Variants in MED27 observed in about 807,000 individuals in gnomAD.
MED27 encodes mediator complex subunit 27, also known as mediator of RNA polymerase II transcription subunit 27.
MED27 carries 30 observed loss-of-function variants against 38.2 expected under a neutral mutation model. That is an observed-to-expected ratio of 0.79 (90% CI 0.59 to 1.07). MED27 has a LOEUF of 1.07. MED27 is among the 50% of genes least tolerant of loss of function. MED27 has a pLI of 0.00. For missense variants in MED27, 289 were observed against 397.5 expected, an observed-to-expected ratio of 0.73 and a Z score of 2.32; for synonymous variants, 122 against 153.5, an observed-to-expected ratio of 0.79 and a Z score of 1.52.
chr9:131,891,346 C>T (rs1839226198), intron 5 of MED27, among the ~76,000 whole-genome samples: 1 of 152,226 alleles, frequency 6.6e-6, no homozygotes. Context: ...CGCCATGAGG[C>T]ATTTAGACGC....
intron 2 of MED27, among the ~76,000 whole-genome samples, chr9:132,025,092 T>A (rs932900400): frequency 1.3e-5 from 2 of 152,202 alleles, no homozygotes; most frequent in African/African-American, 4.8e-5. Context: ...ACTACGGCTT[T>A]TCCCCTTGGA....
intron 3 of MED27, among the ~76,000 whole-genome samples, chr9:131,995,587 G>C (rs1328745861): frequency 6.6e-6 from 1 of 152,168 alleles, no homozygotes; most frequent in East Asian, 1.9e-4. Context: ...CTGACTCACA[G>C]GGCCTGAGTC....
At chr9:131,981,100 A>G (rs1831726477) in intron 3 of MED27, among the ~76,000 whole-genome samples, 1 of 152,242 alleles carries the variant, frequency 6.6e-6, no homozygotes, top group Non-Finnish European at 1.5e-5. Context: ...TAATTGCAAC[A>G]AAGAACACCA....
At chr9:131,978,032 C>A (rs1046356859) in intron 3 of MED27, among the ~76,000 whole-genome samples, 1 of 152,228 alleles carries the variant, frequency 6.6e-6, no homozygotes, top group Non-Finnish European at 1.5e-5. Flanking sequence ...GACAACCAGA[C>A]ATTTTGTGCC....
At chr9:131,871,121 A>G (rs988991917) in intron 6 of MED27, among the ~76,000 whole-genome samples, 5 of 152,198 alleles carry the variant, frequency 3.3e-5, no homozygotes, top group African/African-American at 1.2e-4. Context: ...TGTGCATCCT[A>G]CTGTGAGCCC....
At chr9:132,056,513 A>T (rs1833580982) in intron 2 of MED27, among the ~76,000 whole-genome samples, 1 of 152,230 alleles carries the variant, frequency 6.6e-6, no homozygotes, top group South Asian at 2.1e-4. Context: ...TGCCAACATG[A>T]TATTCAAAGA....
At chr9:132,053,209 C>T (rs887995350) in intron 2 of MED27, among the ~76,000 whole-genome samples, 5 of 150,872 alleles carry the variant, frequency 3.3e-5, no homozygotes, top group Non-Finnish European at 5.9e-5. Flanking sequence ...GCCGAGATCG[C>T]GCCACTGCGC....
Position 132,003,092 on chromosome 9 carries a change from TAA to T in MED27, c.479+11243_479+11244del, listed in dbSNP as rs113279679. On this transcript the variant is annotated intron_variant, in intron 3 of 7. Coordinates refer to ENST00000292035, the MANE Select transcript of MED27 (RefSeq NM_004269.4). This position sits in a 1 kb window ranked among gnomAD's most constrained non-coding sequence, Gnocchi z 4.2. ...GCTCTTTGTTATGCAAAGAGAGATTTAAAAAAAAAAATGGATCCAGCTTCTAT... is the reference window on the plus strand; with the variant it reads ...GCTCTTTGTTATGCAAAGAGAGATTTAAAAAAAAATGGATCCAGCTTCTAT... Among the ~76,000 whole-genome samples, 8 of 148,042 alleles carry T rather than the reference TAA, an allele frequency of 5.4e-5. No homozygotes were observed. Among genetic ancestry groups the T allele is most frequent in the Non-Finnish European group, 9.0e-5 (6 of 66,512 alleles).
intron 3 of MED27, among the ~76,000 whole-genome samples, chr9:131,977,966 A>G (rs1831644063): frequency 6.6e-6 from 1 of 152,184 alleles, no homozygotes; most frequent in African/African-American, 2.4e-5. Context: ...ACCTCCCTGC[A>G]CCCTGAGGAA....
intron 2 of MED27, among the ~76,000 whole-genome samples, chr9:132,066,554 T>G (rs1469547765): frequency 1.3e-5 from 2 of 151,998 alleles, no homozygotes; most frequent in Non-Finnish European, 2.9e-5. Context: ...CCTGGAGAAG[T>G]CAGCAAGGAA....
rs12346178 is a variant in MED27 at position 131,958,971 on chromosome 9, T to C, written c.480-19497A>G. ...TTGCCTGTCTGGACTATTAAGAGTT[T>C]CACATGTGTTTGAATAGAGAAAACA... On this transcript the variant is annotated intron_variant, in intron 3 of 7. Coordinates refer to ENST00000292035, the MANE Select transcript of MED27 (RefSeq NM_004269.4). Among the ~76,000 whole-genome samples, 611 of 152,374 alleles carry C rather than the reference T, an allele frequency of 4.0e-3. 3 individuals carry two copies. Among genetic ancestry groups the C allele is most frequent in the African/African-American group, 0.014 (587 of 41,584 alleles).
At chr9:131,891,684 A>C (rs1330865113) in intron 5 of MED27, among the ~76,000 whole-genome samples, 1 of 151,966 alleles carries the variant, frequency 6.6e-6, no homozygotes, top group Admixed American at 6.6e-5. Context: ...GGCAAGGGGG[A>C]GATGGCAAAA....
chr9:131,870,966 C>T (rs1048530043), intron 6 of MED27, among the ~76,000 whole-genome samples: 8 of 152,172 alleles, frequency 5.3e-5, no homozygotes, highest in Admixed American at 1.3e-4. Flanking sequence ...AAATACAAGG[C>T]GGCTGCATCA....
chr9:132,035,028 AG>A (rs1833044829), intron 2 of MED27, among the ~76,000 whole-genome samples: 2 of 152,212 alleles, frequency 1.3e-5, no homozygotes, highest in African/African-American at 2.4e-5. Context: ...CAAGACTCCC[AG>A]GCTACGTAAC....
chr9:132,058,681 C>G (rs745413480), intron 2 of MED27, among the ~76,000 whole-genome samples: 6 of 152,188 alleles, frequency 3.9e-5, no homozygotes, highest in Non-Finnish European at 7.3e-5. Flanking sequence ...AGCGTGAGAA[C>G]AGACTCCTAT....
At chr9:131,906,254 G>C (rs1830059284) in intron 4 of MED27, among the ~76,000 whole-genome samples, 2 of 152,312 alleles carry the variant, frequency 1.3e-5, no homozygotes, top group African/African-American at 4.8e-5. Context: ...ATGGGGGAGG[G>C]GGTTGTGGGC....
intron 3 of MED27, among the ~76,000 whole-genome samples, chr9:131,944,871 G>T (rs1441673233): frequency 6.6e-6 from 1 of 151,720 alleles, no homozygotes; most frequent in African/African-American, 2.4e-5. Context: ...CCTTGGAGAA[G>T]GTATGAAAAT....
intron 6 of MED27, among the ~76,000 whole-genome samples, chr9:131,880,622 A>G (rs2131478073): frequency 6.6e-6 from 1 of 152,386 alleles, no homozygotes; most frequent in South Asian, 2.1e-4. Context: ...ATCAATTTTT[A>G]CTACTTGAAA....
intron 3 of MED27, among the ~76,000 whole-genome samples, chr9:131,949,132 G>A (rs1398769058): frequency 6.6e-6 from 1 of 152,138 alleles, no homozygotes; most frequent in Admixed American, 6.5e-5. Context: ...ATTTAGAGAA[G>A]AATTGTTTAC....
Sources: gnomAD v4.1 joint callset for allele counts (sites outside exome capture counted in the v4.1 genomes callset) on GRCh38, gnomAD v4.1.1 for gene constraint, Gnocchi (gnomAD v3.1) non-coding constraint, MANE v1.5 for transcripts, NCBI Gene and HGNC (gene_info 2026-07-23, HGNC 2026-07-21) for gene names.